CEACAM4: variants seen among roughly 807,000 people sequenced by gnomAD.
CEACAM4 encodes the protein cell adhesion molecule CEACAM4.
Under a neutral mutation model 28.7 loss-of-function variants are expected in CEACAM4, and 30 were observed. That is an observed-to-expected ratio of 1.05 (90% CI 0.78 to 1.42). The LOEUF is 1.42. Among genes scored for constraint, CEACAM4 ranks in the 40% most tolerant of loss-of-function variants. The pLI, the probability that CEACAM4 is intolerant of heterozygous loss-of-function variation, is 0.00. For synonymous variants in CEACAM4, 143 were observed against 126.5 expected, an observed-to-expected ratio of 1.13 and a Z score of -0.87; for missense variants, 330 against 308.2, an observed-to-expected ratio of 1.07 and a Z score of -0.53.
rs781976574 is a variant in CEACAM4 at position 41,625,835 on chromosome 19, C to T, written c.190G>A (p.Ala64Thr). Reference protein sequence around the residue: ...LACNISETIQAYYWHKGKTAE... With the variant: ...LACNISETIQTYYWHKGKTAE... ...GTTTTCCCCTTGTGCCAATAATAGG[C>T]TTGAATAGTTTCTGAAATATTGCAG... is the stretch of plus-strand genomic sequence containing the variant. Residue 64 changes from alanine (A) to threonine (T), a missense_variant, in exon 2 of 7, where the codon GCC becomes ACC. Physicochemically the swap from Ala to Thr is moderately conservative, Grantham distance 58. Coordinates refer to ENST00000221954, the MANE Select transcript of CEACAM4 (RefSeq NM_001817.4). 21 of 1,613,972 alleles carry T rather than the reference C, an allele frequency of 1.3e-5. 1 individual carries two copies. In the South Asian group the frequency reaches 1.8e-4, roughly 14 times the overall value.
At chr19:41,616,059 T>G (rs1555798788), downstream of CEACAM4, among the ~76,000 whole-genome samples, 2 of 152,140 alleles carry the variant, frequency 1.3e-5, no homozygotes, top group African/African-American at 4.8e-5. Flanking sequence ...AGATGGAGCC[T>G]CACTCTATCT....
At position 41,621,858 on chromosome 19, in the gene CEACAM4, G is replaced by A. The variant is rs935002469; in HGVS notation, c.425-90C>T. 36 of 761,160 alleles carry A rather than the reference G, an allele frequency of 4.7e-5. No individual in the cohort carries two copies. The Middle Eastern group carries it at 7.3e-4, about 15-fold the overall frequency. 47.2% of individuals were successfully genotyped at this position (761,160 alleles called of 1,614,324 possible). On this transcript the variant is annotated intron_variant, in intron 2 of 6. Transcript: ENST00000221954. ...ATTGCAGGGCAGGGGCATAGTCAGG[G>A]AGGAAGGAAATGCTCCAGAGCCTGA...
At chr19:41,616,801 G>T (rs1384550810), downstream of CEACAM4, among the ~76,000 whole-genome samples, 1 of 152,104 alleles carries the variant, frequency 6.6e-6, no homozygotes, top group Non-Finnish European at 1.5e-5. Context: ...AGAATCAGAC[G>T]TTAATCATGG....
the CEACAM4 span, among the ~76,000 whole-genome samples, chr19:41,613,747 G>T: frequency 6.6e-6 from 1 of 152,144 alleles, no homozygotes. Context: ...CATACGGGCT[G>T]TATCCGGAAG....
chr19:41,618,109 A>G (rs1555799363), downstream of CEACAM4, among the ~76,000 whole-genome samples: 1 of 149,200 alleles, frequency 6.7e-6, no homozygotes, highest in African/African-American at 2.5e-5. Flanking sequence ...CCTATATGAG[A>G]TCATCACCCT....
chr19:41,620,085 C>G, intron 5 of CEACAM4, 126 bp downstream of exon 5: 1 of 888,494 alleles, frequency 1.1e-6, no homozygotes, highest in African/African-American at 1.8e-5. Context: ...CGGAGGCACT[C>G]ACTTTGACCT....
intron 1 of CEACAM4, 44 bp from the exon 2 acceptor site, chr19:41,626,004 G>T: frequency 6.4e-7 from 1 of 1,561,374 alleles, no homozygotes; most frequent in Non-Finnish European, 8.7e-7. Flanking sequence ...GACCTATGGA[G>T]TGGGATGGAA....
chr19:41,614,274 G>A (rs1723153627), downstream of CEACAM4, among the ~76,000 whole-genome samples: 1 of 152,176 alleles, frequency 6.6e-6, no homozygotes, highest in African/African-American at 2.4e-5. Flanking sequence ...CCTTCAACAT[G>A]TATTTATGAA....
At position 41,619,025 on chromosome 19, in the gene CEACAM4, G is replaced by A. The variant is rs2071082969; in HGVS notation, c.*305C>T. 1 of 401,808 alleles carries A rather than the reference G, an allele frequency of 2.5e-6. No homozygotes were observed. Among genetic ancestry groups the A allele is most frequent in the Non-Finnish European group, 4.4e-6 (1 of 227,094 alleles). The allele number at this position is 401,808 out of a possible 1,614,324, so 24.9% of individuals were successfully genotyped here. A position where few individuals can be genotyped will look rare whatever the true frequency, so the allele number is the denominator to read the frequency against. The stretch of plus-strand genomic sequence containing the variant: ...CAGAAAAAGAGCCAATGAGAGGAAG[G>A]GTCCTCTTTATTCAGATCCTTTCCT... On this transcript the variant is annotated 3_prime_UTR_variant, in exon 7 of 7. Coordinates refer to ENST00000221954, the MANE Select transcript of CEACAM4 (RefSeq NM_001817.4).
chr19:41,625,000 A>G (rs2071544658), intron 2 of CEACAM4, among the ~76,000 whole-genome samples: 1 of 152,176 alleles, frequency 6.6e-6, no homozygotes, highest in Admixed American at 6.5e-5. Context: ...TAAGCTCCTC[A>G]TTCAGGGGGC....
At chr19:41,614,276 A>G (rs2122386668), downstream of CEACAM4, among the ~76,000 whole-genome samples, 1 of 152,302 alleles carries the variant, frequency 6.6e-6, no homozygotes, top group Non-Finnish European at 1.5e-5. Flanking sequence ...TTCAACATGT[A>G]TTTATGAAGT....
intron 5 of CEACAM4, 83 bp downstream of exon 5, chr19:41,620,128 G>A: frequency 2.4e-6 from 3 of 1,249,808 alleles, no homozygotes; most frequent in Non-Finnish European, 3.3e-6. Flanking sequence ...TCAGTGCTGT[G>A]CTGTGGGGTT....
chr19:41,620,247 G>T lies in CEACAM4; in HGVS notation c.596-5C>A. 6.8e-7 allele frequency: 1 copy of T among 1,478,576 alleles called. No homozygotes were observed. Among genetic ancestry groups the T allele is most frequent in the Non-Finnish European group, 8.9e-7 (1 of 1,119,116 alleles). The allele number at this position is 1,478,576 out of a possible 1,614,324, so 91.6% of individuals were successfully genotyped here. On this transcript the variant is annotated splice_region_variant and splice_polypyrimidine_tract_variant and intron_variant, in intron 4 of 6. Coordinates refer to ENST00000221954, the MANE Select transcript of CEACAM4 (RefSeq NM_001817.4). ...ATCTGTGAGAGGGACCATGGCCTGG[G>T]GACAGAGACAGGAGTGAGCAGCAGG...
intron 2 of CEACAM4, among the ~76,000 whole-genome samples, chr19:41,622,422 C>T (rs79688477): frequency 0.011 from 1,624 of 152,242 alleles, 36 homozygotes; most frequent in African/African-American, 0.037. Context: ...TCACAGAGAG[C>T]GAGCCCTCAC....
intron 6 of CEACAM4, 40 bp downstream of exon 6, chr19:41,619,630 T>G: frequency 6.3e-7 from 1 of 1,577,934 alleles, no homozygotes; most frequent in Non-Finnish European, 8.6e-7. Flanking sequence ...CTGGGTCCCC[T>G]GGAGCCTGCG....
downstream of CEACAM4, among the ~76,000 whole-genome samples, chr19:41,618,050 G>C (rs2122419199): frequency 1.0e-5 from 1 of 99,134 alleles, no homozygotes; most frequent in Middle Eastern, 7.0e-3. Flanking sequence ...CTGTGCTTTA[G>C]TGCAGGCACC....
intron 1 of CEACAM4, 90 bp downstream of exon 1, chr19:41,626,810 C>A: frequency 2.6e-6 from 3 of 1,156,754 alleles, no homozygotes; most frequent in Non-Finnish European, 3.8e-6. Context: ...GAGACCCCAG[C>A]CAGAAGCCCT....
chr19:41,620,194 G>A lies in CEACAM4; in HGVS notation c.627+17C>T. On this transcript the variant is annotated intron_variant, in intron 5 of 6. Transcript: ENST00000221954. Reference sequence around the variant, plus strand: ...TGGGACCCCAGTAGAAAAGGGCTGGGGAGGGAACAGGCTTACCGAGAAGGT... The same window carrying A: ...TGGGACCCCAGTAGAAAAGGGCTGGAGAGGGAACAGGCTTACCGAGAAGGT... 6.7e-7 allele frequency: 1 copy of A among 1,493,084 alleles called. No homozygotes were observed. Among genetic ancestry groups the A allele is most frequent in the Non-Finnish European group, 8.9e-7 (1 of 1,126,120 alleles). 92.5% of individuals were successfully genotyped at this position (1,493,084 alleles called of 1,614,324 possible). A position where few individuals can be genotyped will look rare whatever the true frequency, so the allele number is the denominator to read the frequency against.
Position 41,619,230 on chromosome 19 carries a change from G to A in CEACAM4, c.*100C>T. The A allele has an allele frequency of 2.1e-6, 2 of 965,920 alleles. No individual in the cohort carries two copies. The highest frequency in any genetic ancestry group is 1.3e-5 in the South Asian group (1 of 77,458). The allele number at this position is 965,920 out of a possible 1,614,324, so 59.8% of individuals were successfully genotyped here. A position where few individuals can be genotyped will look rare whatever the true frequency, so the allele number is the denominator to read the frequency against. ...CAGGCCTGTGTCTCCTCAGGACTCA[G>A]AGCTGGTTCTCTGGCTCAGGCTCCA... On this transcript the variant is annotated 3_prime_UTR_variant, in exon 7 of 7. Transcript: ENST00000221954.
Sources: gnomAD v4.1 joint callset for allele counts (sites outside exome capture counted in the v4.1 genomes callset) on GRCh38, gnomAD v4.1.1 for gene constraint, MANE v1.5 for transcripts, NCBI Gene and HGNC (gene_info 2026-07-23, HGNC 2026-07-21) for gene names.